GABRA4: variants seen among roughly 807,000 people sequenced by gnomAD.
GABRA4 encodes the protein gamma-aminobutyric acid type A receptor subunit alpha4.
A neutral mutation model predicts 49.7 loss-of-function variants in GABRA4; 12 were observed. That is an observed-to-expected ratio of 0.24 (90% CI 0.15 to 0.39). The LOEUF is 0.39. GABRA4 is among the 10% of genes least tolerant of loss of function. The pLI is 1.00. For missense variants in GABRA4, 506 were observed against 686.0 expected (o/e 0.74, Z 2.93); for synonymous variants, 288 against 240.2 (o/e 1.20, Z -1.84).
chr4:46,934,276 C>A (rs1721534471), intron 8 of GABRA4, among the ~76,000 whole-genome samples: 1 of 152,056 alleles, frequency 6.6e-6, no homozygotes, highest in Non-Finnish European at 1.5e-5. Context: ...TTGGACAGGA[C>A]TTCATGGGTA....
At chr4:46,976,090 T>G (rs747881927) in intron 5 of GABRA4, among the ~76,000 whole-genome samples, 1 of 151,782 alleles carries the variant, frequency 6.6e-6, no homozygotes, top group Non-Finnish European at 1.5e-5. Flanking sequence ...GAATTGAAAA[T>G]GTGAGGCAGA....
At chr4:46,992,218 G>C (rs1233190929) in intron 2 of GABRA4, among the ~76,000 whole-genome samples, 1 of 152,114 alleles carries the variant, frequency 6.6e-6, no homozygotes, top group African/African-American at 2.4e-5. Flanking sequence ...TTTTGTTGAA[G>C]AAAGCAAGCT....
At chr4:46,957,803 T>C (rs925940809) in intron 8 of GABRA4, among the ~76,000 whole-genome samples, 1 of 151,958 alleles carries the variant, frequency 6.6e-6, no homozygotes, top group Non-Finnish European at 1.5e-5. Flanking sequence ...GGAAGATTAT[T>C]TGATCATTAA....
At chr4:46,954,317 G>A (rs1237805783) in intron 8 of GABRA4, among the ~76,000 whole-genome samples, 1 of 152,092 alleles carries the variant, frequency 6.6e-6, no homozygotes, top group Non-Finnish European at 1.5e-5. Flanking sequence ...AGCACTTTGG[G>A]AGGCGGAGGC....
Position 46,928,693 on chromosome 4 carries a change from A to C in GABRA4, c.1197T>G (p.Asp399Glu), listed in dbSNP as rs761651388. The C allele has an allele frequency of 3.1e-6, 5 of 1,613,244 alleles. No homozygotes were observed. The African/African-American group carries it at 6.7e-5, about 22-fold the overall frequency. The change falls in exon 9 of 9, where the codon GAT becomes GAG. Residue 399 changes from aspartate to glutamate, a missense_variant. Asp to Glu is a conservative substitution (Grantham distance 45). Transcript: ENST00000264318. ...RTNALVHSES[D>E]VGNRTEVGNH... ...TTCCCACCTCAGTTCTGTTGCCAAC[A>C]TCAGATTCAGAGTGAACCAAAGCAT...
At chr4:46,951,740 A>ATG (rs756758370) in intron 8 of GABRA4, among the ~76,000 whole-genome samples, 41 of 151,058 alleles carry the variant, frequency 2.7e-4, no homozygotes, top group Admixed American at 1.4e-3. Flanking sequence ...ATATATATAT[A>ATG]TGTGTGTGTG....
chr4:46,943,872 G>A (rs543208694), intron 8 of GABRA4, among the ~76,000 whole-genome samples: 1 of 152,194 alleles, frequency 6.6e-6, no homozygotes, highest in East Asian at 1.9e-4. Context: ...CATAGATTGT[G>A]TAGTAGTCAA....
rs770261411 is a variant in GABRA4 at position 46,928,511 on chromosome 4, C to T, written c.1379G>A (p.Arg460Gln). The T allele has an allele frequency of 5.0e-6, 8 of 1,613,428 alleles. No homozygotes were observed. Among genetic ancestry groups the T allele is most frequent in the East Asian group, 2.2e-5 (1 of 44,874 alleles). ...AGCCTTTCGAGGCATATATCCAGTT[C>T]GGATAGAAGTAGGAGAAGCAGATGG... is the stretch of plus-strand genomic sequence containing the variant. ...ALPSASPTSI[R>Q]TGYMPRKASV... Residue 460 changes from arginine (R) to glutamine (Q), a missense_variant, in exon 9 of 9, where the codon CGA becomes CAA. This residue lies in a region of GABRA4 where 243 missense variants were observed against 210.8 expected (regional missense o/e 1.15). Transcript: ENST00000264318.
At chr4:46,961,438 T>G (rs2109370276) in intron 8 of GABRA4, among the ~76,000 whole-genome samples, 1 of 151,938 alleles carries the variant, frequency 6.6e-6, no homozygotes, top group South Asian at 2.1e-4. Flanking sequence ...TTATTTATGT[T>G]TTTCAGTATT....
At chr4:46,932,027 G>A (rs1010724886) in intron 8 of GABRA4, among the ~76,000 whole-genome samples, 2 of 152,112 alleles carry the variant, frequency 1.3e-5, no homozygotes, top group Non-Finnish European at 1.5e-5. Flanking sequence ...TGTGGCAATA[G>A]ATAATAGATA....
At chr4:46,942,232 C>G (rs1721827554) in intron 8 of GABRA4, among the ~76,000 whole-genome samples, 3 of 152,198 alleles carry the variant, frequency 2.0e-5, no homozygotes, top group African/African-American at 7.2e-5. Context: ...TGAGACTCCT[C>G]AAATCTGTGA....
intron 2 of GABRA4, among the ~76,000 whole-genome samples, chr4:46,988,579 A>G (rs1245294915): frequency 6.6e-6 from 1 of 152,208 alleles, no homozygotes; most frequent in Non-Finnish European, 1.5e-5. Flanking sequence ...CTGCAAACAC[A>G]ATTTGATTTT....
intron 5 of GABRA4, among the ~76,000 whole-genome samples, chr4:46,975,359 A>C (rs1723103501): frequency 6.6e-6 from 1 of 151,940 alleles, no homozygotes; most frequent in South Asian, 2.1e-4. Context: ...TATTTCCAGA[A>C]ATATATTCAC....
chr4:46,936,770 A>C (rs566982572), intron 8 of GABRA4, among the ~76,000 whole-genome samples: 1 of 152,210 alleles, frequency 6.6e-6, no homozygotes, highest in South Asian at 2.1e-4. Flanking sequence ...GGAATATTTA[A>C]AAGAATTGTA....
chr4:46,974,592 G>A (rs1018820406), intron 5 of GABRA4, among the ~76,000 whole-genome samples: 1 of 151,886 alleles, frequency 6.6e-6, no homozygotes, highest in African/African-American at 2.4e-5. Context: ...CAACTCAACA[G>A]TATTTATTTT....
rs549075490 is a variant in GABRA4 at position 46,921,576 on chromosome 4, C to G, written c.*6649G>C. ...ACAGCTGGTTTAATCCAGATTTAAT[C>G]TAGGTTTAATGCTTGATTCCAGTGA... On this transcript the variant is annotated 3_prime_UTR_variant, in exon 9 of 9. Transcript: ENST00000264318. 7.9e-5 allele frequency: 12 copies of G among 152,078 alleles called. No individual in the cohort carries two copies. The East Asian group carries it at 2.3e-3, about 29-fold the overall frequency. 9.4% of individuals were successfully genotyped at this position (152,078 alleles called of 1,614,324 possible).
rs901771019 is a variant in GABRA4 at position 46,920,498 on chromosome 4, A to G, written c.*7727T>C. 6.6e-6 allele frequency: 1 copy of G among 151,764 alleles called. No individual in the cohort carries two copies. The highest frequency in any genetic ancestry group is 1.9e-4 in the East Asian group (1 of 5,188). The allele number at this position is 151,764 out of a possible 1,614,324, so 9.4% of individuals were successfully genotyped here. On this transcript the variant is annotated 3_prime_UTR_variant, in exon 9 of 9. Coordinates refer to ENST00000264318, the MANE Select transcript of GABRA4 (RefSeq NM_000809.4). ...ATATTTTATTAAAGAGATGATGTAT[A>G]TGTATTAATATATGAAAAAATCCTA...
chr4:46,969,954 C>A (rs764702260), intron 7 of GABRA4, among the ~76,000 whole-genome samples: 1 of 151,364 alleles, frequency 6.6e-6, no homozygotes, highest in African/African-American at 2.4e-5. Flanking sequence ...CCTCCCTCCA[C>A]CATTGCCCCC....
chr4:46,925,724 T>C lies in GABRA4; in HGVS notation c.*2501A>G, dbSNP rs1721198981. 1 of 101,838 alleles carries C rather than the reference T, an allele frequency of 9.8e-6. No homozygotes were observed. The highest frequency in any genetic ancestry group is 2.2e-5 in the Non-Finnish European group (1 of 45,820). The allele number at this position is 101,838 out of a possible 1,614,324, so 6.3% of individuals were successfully genotyped here. On this transcript the variant is annotated 3_prime_UTR_variant, in exon 9 of 9. Transcript: ENST00000264318. The stretch of plus-strand genomic sequence containing the variant: ...AGGAAAGCAAACAACATATTATTAT[T>C]ATTATTATTATTATTATTATTATTA...
Sources: gnomAD v4.1 joint callset for allele counts (sites outside exome capture counted in the v4.1 genomes callset) on GRCh38, gnomAD v4.1.1 for gene constraint, gnomAD v4.1.1 regional missense constraint, MANE v1.5 for transcripts, NCBI Gene and HGNC (gene_info 2026-07-23, HGNC 2026-07-21) for gene names.